Variants in DIS3L2 observed in about 807,000 individuals in gnomAD.
The protein encoded by DIS3L2 is DIS3-like exonuclease 2.
A neutral mutation model predicts 97.5 loss-of-function variants in DIS3L2; 34 were observed. That is an observed-to-expected ratio of 0.35 (90% confidence interval 0.27 to 0.46). The LOEUF (loss-of-function observed/expected upper bound fraction) is 0.46, where lower values mean the gene tolerates loss of function less well. Among genes scored for constraint, DIS3L2 ranks in the 20% least tolerant of loss-of-function variants. DIS3L2 has a pLI of 1.00. For missense variants in DIS3L2, 1,038 were observed against 1,146.0 expected, an observed-to-expected ratio of 0.91 and a Z score of 1.36; for synonymous variants, 435 against 445.2, an observed-to-expected ratio of 0.98 and a Z score of 0.29.
chr2:232,155,410 C>T (rs1466763057), intron 8 of DIS3L2, among the ~76,000 whole-genome samples: 2 of 152,290 alleles, frequency 1.3e-5, no homozygotes, highest in Admixed American at 6.5e-5. Context: ...TCTCTTGGTA[C>T]ACCTCAGTTC....
intron 9 of DIS3L2, among the ~76,000 whole-genome samples, chr2:232,171,087 AG>A (rs1336559855): frequency 2.0e-5 from 3 of 152,230 alleles, no homozygotes. Context: ...AGTTCTCCCC[AG>A]GGCCTAGCTA....
intron 4 of DIS3L2, among the ~76,000 whole-genome samples, chr2:232,024,661 A>C (rs1694609467): frequency 6.6e-6 from 1 of 152,192 alleles, no homozygotes; most frequent in African/African-American, 2.4e-5. Context: ...CCACCGATTT[A>C]AGTTAATCTT....
intron 1 of DIS3L2, among the ~76,000 whole-genome samples, chr2:231,965,559 T>C (rs1692685722): frequency 6.6e-6 from 1 of 152,144 alleles, no homozygotes; most frequent in Non-Finnish European, 1.5e-5. Context: ...TTAAAAGATG[T>C]TTTGTTGCTT....
chr2:232,221,574 C>T (rs923597250), intron 10 of DIS3L2, among the ~76,000 whole-genome samples: 39 of 152,246 alleles, frequency 2.6e-4, no homozygotes, highest in Middle Eastern at 3.4e-3. Flanking sequence ...GAGACCAAGG[C>T]GGGTGGATCA....
intron 9 of DIS3L2, among the ~76,000 whole-genome samples, chr2:232,175,246 G>A (rs999834812): frequency 6.6e-6 from 1 of 152,054 alleles, no homozygotes; most frequent in South Asian, 2.1e-4. Context: ...GAAGAGTGTT[G>A]GATTTTGTCA....
rs905520263 is a variant in DIS3L2 at position 232,325,061 on chromosome 2, G to A, written c.1740-4752G>A. On this transcript the variant is annotated intron_variant, in intron 14 of 20. Transcript: ENST00000325385. The surrounding 1 kb of genome is among the most constrained non-coding windows in gnomAD (Gnocchi z 4.6). ...GAGAAATACTCAGATCCAGTTCCTC[G>A]ATGGTCAGGGAAGGCAGGCTTCCTC... is the stretch of plus-strand genomic sequence containing the variant. Among the ~76,000 whole-genome samples, 7 of 152,206 alleles carry A rather than the reference G, an allele frequency of 4.6e-5. No individual in the cohort carries two copies. The highest frequency in any genetic ancestry group is 1.7e-4 in the African/African-American group (7 of 41,450).
intron 12 of DIS3L2, among the ~76,000 whole-genome samples, chr2:232,258,765 G>T (rs1192281866): frequency 6.6e-6 from 1 of 152,184 alleles, no homozygotes; most frequent in Non-Finnish European, 1.5e-5. Context: ...TGTGAATCCA[G>T]TTTCCAAATT....
intron 12 of DIS3L2, among the ~76,000 whole-genome samples, chr2:232,255,735 G>A (rs144866748): frequency 5.1e-4 from 78 of 152,250 alleles, no homozygotes; most frequent in Admixed American, 2.5e-3. Flanking sequence ...CTCAGTTTGC[G>A]TCTCCTGTGA....
chr2:232,078,020 T>TC (rs748062924), intron 5 of DIS3L2, among the ~76,000 whole-genome samples: 89 of 113,400 alleles, frequency 7.8e-4, no homozygotes, highest in Non-Finnish European at 1.3e-3. Context: ...TTTCTTTCTT[T>TC]TTCTCTTTCT....
At chr2:231,963,240 CTGT>C (rs1692618712) in intron 1 of DIS3L2, among the ~76,000 whole-genome samples, 2 of 152,112 alleles carry the variant, frequency 1.3e-5, no homozygotes, top group Admixed American at 1.3e-4. Flanking sequence ...TAATGAGGAT[CTGT>C]TGTTTTTTGA....
At chr2:232,215,285 C>T (rs1021905776) in intron 10 of DIS3L2, among the ~76,000 whole-genome samples, 2 of 152,150 alleles carry the variant, frequency 1.3e-5, no homozygotes, top group South Asian at 2.1e-4. Flanking sequence ...ACTACAGCCC[C>T]GGGTGCACAG....
chr2:231,965,643 A>G (rs1159703345), intron 1 of DIS3L2, among the ~76,000 whole-genome samples: 1 of 152,190 alleles, frequency 6.6e-6, no homozygotes, highest in Non-Finnish European at 1.5e-5. Context: ...GGTACCAGGC[A>G]CTATGCTTGG....
intron 3 of DIS3L2, among the ~76,000 whole-genome samples, chr2:232,017,623 A>G (rs1020800806): frequency 6.6e-6 from 1 of 151,190 alleles, no homozygotes; most frequent in Non-Finnish European, 1.5e-5. Flanking sequence ...ATCCTCCTGC[A>G]CTCTCCTCCA....
rs1452506120 is a variant in DIS3L2 at position 232,281,604 on chromosome 2, G to A, written c.1659+18164G>A. 3.3e-5 allele frequency among the ~76,000 whole-genome samples: 5 copies of A among 152,256 alleles called. No individual in the cohort carries two copies. The highest frequency in any genetic ancestry group is 1.2e-4 in the African/African-American group (5 of 41,552). ...GGCTGTATGCAGGTGAGGCCACACA[G>A]CTGACAGGAGGGAACAGATGAGAGA... On this transcript the variant is annotated intron_variant, in intron 13 of 20. Coordinates refer to ENST00000325385, the MANE Select transcript of DIS3L2 (RefSeq NM_152383.5). This position sits in a 1 kb window ranked among gnomAD's most constrained non-coding sequence, Gnocchi z 4.1.
At position 232,055,254 on chromosome 2, in the gene DIS3L2, A is replaced by G. The variant is rs1037143777; in HGVS notation, c.366+25174A>G. 7.9e-4 allele frequency among the ~76,000 whole-genome samples: 120 copies of G among 152,344 alleles called. 2 individuals carry two copies. Among genetic ancestry groups the G allele is most frequent in the Non-Finnish European group, 2.9e-4 (20 of 68,014 alleles). On this transcript the variant is annotated intron_variant, in intron 5 of 20. Coordinates refer to ENST00000325385, the MANE Select transcript of DIS3L2 (RefSeq NM_152383.5). ...ACTGTAGTTAATGCGATAAAGCAAG[A>G]AAAAAGACATGAGGATTGGGAAAGT...
At chr2:232,092,223 A>G (rs981775884) in intron 6 of DIS3L2, among the ~76,000 whole-genome samples, 4 of 151,950 alleles carry the variant, frequency 2.6e-5, no homozygotes, top group Admixed American at 1.3e-4. Context: ...GGATGTATGT[A>G]TGGATGTATG....
At chr2:232,310,256 G>T (rs1285688517) in intron 14 of DIS3L2, among the ~76,000 whole-genome samples, 3 of 152,204 alleles carry the variant, frequency 2.0e-5, no homozygotes, top group Non-Finnish European at 4.4e-5. Context: ...AGGGGCTTGG[G>T]GGAAGTTGGA....
intron 5 of DIS3L2, among the ~76,000 whole-genome samples, chr2:232,083,113 A>G (rs1696454157): frequency 6.7e-6 from 1 of 150,324 alleles, no homozygotes; most frequent in Non-Finnish European, 1.5e-5. Flanking sequence ...CTCCCATGAC[A>G]CATTGGAATT....
At chr2:231,985,987 T>A (rs1158567237) in intron 1 of DIS3L2, among the ~76,000 whole-genome samples, 3 of 152,214 alleles carry the variant, frequency 2.0e-5, no homozygotes, top group Admixed American at 1.3e-4. Context: ...TCGGGTAAGC[T>A]GGCTTGCTGA....
Sources: gnomAD v4.1 joint callset for allele counts (sites outside exome capture counted in the v4.1 genomes callset) on GRCh38, gnomAD v4.1.1 for gene constraint, Gnocchi (gnomAD v3.1) non-coding constraint, MANE v1.5 for transcripts, NCBI Gene and HGNC (gene_info 2026-07-23, HGNC 2026-07-21) for gene names.